Variants in RUFY4 observed in about 807,000 individuals in gnomAD.
RUFY4 encodes RUN and FYVE domain containing 4.
RUFY4 carries 73 observed loss-of-function variants against 69.0 expected under a neutral mutation model. That is an observed-to-expected ratio of 1.06 (90% CI 0.88 to 1.29). The LOEUF (loss-of-function observed/expected upper bound fraction) is 1.29. RUFY4 is among the 50% of genes most tolerant of loss of function. RUFY4 has a pLI of 0.00. For synonymous variants in RUFY4, 287 were observed against 271.8 expected (o/e 1.06, Z -0.55); for missense variants, 770 against 705.6 (o/e 1.09, Z -1.03).
In RUFY4 at chr2:218,082,403, G is replaced by C. The variant is rs145111816; in HGVS notation, c.1356-707G>C. ...TGCCTTCCCTCCAGAGAGCTGCCAT[G>C]ATGGTGAACACACCTTTCAAGAAAG... is the stretch of plus-strand genomic sequence containing the variant. On this transcript the variant is annotated intron_variant, in intron 8 of 10. Coordinates refer to ENST00000344321, the Ensembl canonical transcript of RUFY4. Among the ~76,000 whole-genome samples, 700 of 152,196 alleles carry C rather than the reference G, an allele frequency of 4.6e-3. 11 individuals are homozygous for C. Among genetic ancestry groups the C allele is most frequent in the East Asian group, 0.042 (215 of 5,172 alleles).
chr2:218,072,830 C>T (rs139730449), exon 4 of RUFY4: 9 of 1,536,296 alleles, frequency 5.9e-6, no homozygotes, highest in East Asian at 4.9e-5. Context: ...CTGCCTGGCC[C>T]GTGGGCAGCT....
intron 3 of RUFY4, among the ~76,000 whole-genome samples, chr2:218,061,889 G>A (rs1379663626): frequency 6.6e-6 from 1 of 152,142 alleles, no homozygotes; most frequent in Non-Finnish European, 1.5e-5. Flanking sequence ...AACAGATCAA[G>A]GTTTGACTAT....
intron 2 of RUFY4, among the ~76,000 whole-genome samples, chr2:218,036,583 T>C (rs760608936): frequency 1.3e-5 from 2 of 152,194 alleles, no homozygotes; most frequent in Non-Finnish European, 2.9e-5. Context: ...GACGTAAAAC[T>C]TTGGGTTTGA....
intron 2 of RUFY4, among the ~76,000 whole-genome samples, chr2:218,053,167 T>C (rs1051269843): frequency 6.6e-6 from 1 of 152,092 alleles, no homozygotes; most frequent in African/African-American, 2.4e-5. Context: ...TTTTAACATC[T>C]TTGACAAACT....
intron 2 of RUFY4, among the ~76,000 whole-genome samples, chr2:218,053,204 T>A (rs2106032589): frequency 6.6e-6 from 1 of 152,292 alleles, no homozygotes; most frequent in Admixed American, 6.5e-5. Context: ...CTAACTTAAG[T>A]CTTTTTAACC....
intron 3 of RUFY4, among the ~76,000 whole-genome samples, chr2:218,063,891 T>TC (rs1311979718): frequency 1.3e-5 from 2 of 151,972 alleles, no homozygotes; most frequent in Non-Finnish European, 2.9e-5. Context: ...CACCTCTGAG[T>TC]CTCCTCTTCT....
At position 218,075,676 on chromosome 2, in the gene RUFY4, C is replaced by T. The variant is rs537326792; in HGVS notation, c.1184C>T (p.Thr395Ile). The T allele has an allele frequency of 2.5e-5, 37 of 1,488,324 alleles. No homozygotes were observed. The East Asian group carries it at 6.1e-4, about 24-fold the overall frequency. 92.2% of individuals were successfully genotyped at this position (1,488,324 alleles called of 1,614,324 possible). A position where few individuals can be genotyped will look rare whatever the true frequency, so the allele number is the denominator to read the frequency against. The change falls in exon 7 of 11, where the codon ACA (threonine) becomes ATA (isoleucine). Residue 395 changes from threonine to isoleucine, a missense_variant. Thr to Ile is a moderately conservative substitution (Grantham distance 89). Coordinates refer to ENST00000344321, the Ensembl canonical transcript of RUFY4. ...ACCGTGGAGAATCCACAAGTGCAAA[C>T]AGAAGTGACCCTTGTGGCCAGAAGG...
chr2:218,089,904 G>C, intron 10 of RUFY4, 48 bp from the exon 13 acceptor site: 1 of 1,341,136 alleles, frequency 7.5e-7, no homozygotes, highest in South Asian at 1.3e-5. Context: ...ACTTGGGGAA[G>C]TGCCAGCTGC....
At chr2:218,064,207 A>G (rs1689267603) in intron 3 of RUFY4, among the ~76,000 whole-genome samples, 1 of 152,164 alleles carries the variant, frequency 6.6e-6, no homozygotes, top group African/African-American at 2.4e-5. Flanking sequence ...GGGGAAGCAG[A>G]GCCAGAAGGG....
At chr2:218,035,573 C>T (rs370036864) in intron 2 of RUFY4, among the ~76,000 whole-genome samples, 19 of 152,174 alleles carry the variant, frequency 1.2e-4, no homozygotes, top group East Asian at 7.7e-4. Context: ...CACTGCCACG[C>T]CACCCCAAAC....
At chr2:218,090,207 G>A in exon 11 of RUFY4, 3 of 431,984 alleles carry the variant, frequency 6.9e-6, no homozygotes, top group South Asian at 5.5e-5. Context: ...TGTGGGCAGA[G>A]TAGGGTGTGG....
chr2:218,070,341 G>C (rs112057429), upstream of RUFY4: 76 of 535,010 alleles, frequency 1.4e-4, no homozygotes, highest in African/African-American at 1.1e-3. Flanking sequence ...AATGGGACAA[G>C]GACATCAAGT....
chr2:218,043,864 G>T (rs1205902641), intron 2 of RUFY4, among the ~76,000 whole-genome samples: 1 of 152,222 alleles, frequency 6.6e-6, no homozygotes, highest in African/African-American at 2.4e-5. Context: ...GCAGGCCAGT[G>T]CTGATCTGCC....
chr2:218,050,310 C>T (rs1368196058), intron 2 of RUFY4, among the ~76,000 whole-genome samples: 1 of 152,186 alleles, frequency 6.6e-6, no homozygotes, highest in Non-Finnish European at 1.5e-5. Flanking sequence ...CTCTTGATCA[C>T]AGGACAAGAA....
chr2:218,049,842 T>C (rs1033676274), intron 2 of RUFY4, among the ~76,000 whole-genome samples: 3 of 152,306 alleles, frequency 2.0e-5, no homozygotes, highest in Middle Eastern at 3.4e-3. Flanking sequence ...TCTTTATCTT[T>C]GAGTTTGATG....
At chr2:218,089,911 C>T in intron 10 of RUFY4, 41 bp from the exon 13 acceptor site, 1 of 1,439,428 alleles carries the variant, frequency 6.9e-7, no homozygotes, top group Non-Finnish European at 9.6e-7. Flanking sequence ...GAAGTGCCAG[C>T]TGCAGAGGCC....
intron 6 of RUFY4, among the ~76,000 whole-genome samples, chr2:218,074,710 A>G (rs899067740): frequency 6.6e-6 from 1 of 152,192 alleles, no homozygotes; most frequent in South Asian, 2.1e-4. Flanking sequence ...AAAACCGGGT[A>G]TTATCATTCC....
In RUFY4 at chr2:218,059,936, C is replaced by T. The variant is rs534368271; in HGVS notation, c.-1071+1255C>T. The T allele has an allele frequency of 4.4e-4, 75 of 171,232 alleles. 2 individuals are homozygous for T. The South Asian group carries it at 0.014, about 33-fold the overall frequency. 10.6% of individuals were successfully genotyped at this position (171,232 alleles called of 1,614,324 possible). On this transcript the variant is annotated intron_variant and NMD_transcript_variant, in intron 3 of 13. Coordinates refer to the RUFY4 transcript ENST00000457754. ...CAGTGGCCACAACATTTTACATTCCCGCTCACGATGCCCGAGAATTCCACT... is the reference window on the plus strand; with the variant it reads ...CAGTGGCCACAACATTTTACATTCCTGCTCACGATGCCCGAGAATTCCACT...
intron 2 of RUFY4, among the ~76,000 whole-genome samples, chr2:218,054,285 T>G (rs1490381184): frequency 6.6e-6 from 1 of 152,204 alleles, no homozygotes; most frequent in Non-Finnish European, 1.5e-5. Flanking sequence ...TCGGGCATGA[T>G]GGCTCATGTC....
Sources: gnomAD v4.1 joint callset for allele counts (sites outside exome capture counted in the v4.1 genomes callset) on GRCh38, gnomAD v4.1.1 for gene constraint, MANE v1.5 for transcripts, NCBI Gene and HGNC (gene_info 2026-07-23, HGNC 2026-07-21) for gene names.